The following GPC6 variants were observed in gnomAD, a reference collection of about 807,000 sequenced individuals.
The protein encoded by GPC6 is glypican 6.
In GPC6, 14 loss-of-function variants were observed where a neutral mutation model predicts 55.2. The observed-to-expected ratio is 0.25, with a 90% CI of 0.17 to 0.40. The LOEUF is 0.40. Among genes scored for constraint, GPC6 ranks in the 10% least tolerant of loss-of-function variants. GPC6 has a pLI of 1.00. For synonymous variants in GPC6, 278 were observed against 259.6 expected, an observed-to-expected ratio of 1.07 and a Z score of -0.68; for missense variants, 641 against 708.5, an observed-to-expected ratio of 0.90 and a Z score of 1.08.
intron 3 of GPC6, among the ~76,000 whole-genome samples, chr13:93,937,870 G>A (rs1007189057): frequency 2.6e-5 from 4 of 152,138 alleles, no homozygotes; most frequent in East Asian, 1.9e-4. Context: ...TGAGCACCAC[G>A]CCTGGCTATT....
intron 4 of GPC6, among the ~76,000 whole-genome samples, chr13:94,136,474 G>A (rs1357251036): frequency 6.6e-6 from 1 of 152,186 alleles, no homozygotes; most frequent in Non-Finnish European, 1.5e-5. Flanking sequence ...ACTTTGGGAG[G>A]CCGAGGCAGG....
chr13:93,582,861 A>G lies in GPC6; in HGVS notation c.319+37440A>G, dbSNP rs139178044. On this transcript the variant is annotated intron_variant, in intron 2 of 8. Transcript: ENST00000377047. ...GTTAAGCCTTAAGGGTAGCCAATGC[A>G]CTTTCCAGAGAAGGCCCCAAGCTTA... Among the ~76,000 whole-genome samples the G allele has an allele frequency of 2.6e-5, 4 of 152,364 alleles. No homozygotes were observed. The East Asian group carries it at 7.7e-4, about 29-fold the overall frequency.
chr13:93,896,437 T>G (rs1876017034), intron 3 of GPC6, among the ~76,000 whole-genome samples: 1 of 152,052 alleles, frequency 6.6e-6, no homozygotes. Flanking sequence ...TCAGACCATT[T>G]CTGGCTAGTT....
At chr13:93,911,704 C>A (rs1488471649) in intron 3 of GPC6, among the ~76,000 whole-genome samples, 1 of 152,178 alleles carries the variant, frequency 6.6e-6, no homozygotes, top group Non-Finnish European at 1.5e-5. Context: ...ATTGCTTAAC[C>A]ATTATGACTG....
intron 4 of GPC6, among the ~76,000 whole-genome samples, chr13:94,147,320 G>T (rs1371935840): frequency 2.0e-5 from 3 of 151,896 alleles, no homozygotes; most frequent in Non-Finnish European, 4.4e-5. Context: ...ATGCATATAC[G>T]GGTACTCCAA....
At chr13:93,906,772 C>G (rs1876692207) in intron 3 of GPC6, among the ~76,000 whole-genome samples, 1 of 152,096 alleles carries the variant, frequency 6.6e-6, no homozygotes, top group Non-Finnish European at 1.5e-5. Flanking sequence ...CTTAATAGCT[C>G]TAAGATACTC....
intron 4 of GPC6, among the ~76,000 whole-genome samples, chr13:94,067,190 TA>T (rs1884547687): frequency 6.6e-6 from 1 of 152,150 alleles, no homozygotes; most frequent in Admixed American, 6.5e-5. Flanking sequence ...CTGAACTCAA[TA>T]TTAGGGTAAA....
At chr13:93,997,736 T>C (rs972121950) in intron 3 of GPC6, among the ~76,000 whole-genome samples, 1 of 151,994 alleles carries the variant, frequency 6.6e-6, no homozygotes, top group African/African-American at 2.4e-5. Context: ...TTAAAAGGAG[T>C]TGTTGTAGAT....
chr13:94,199,992 A>G (rs1889700782), intron 4 of GPC6, among the ~76,000 whole-genome samples: 1 of 152,042 alleles, frequency 6.6e-6, no homozygotes, highest in Admixed American at 6.6e-5. Context: ...CCCTGTCTTT[A>G]CTGAACATAC....
intron 1 of GPC6, among the ~76,000 whole-genome samples, chr13:93,434,675 T>C (rs1200691595): frequency 3.9e-5 from 6 of 152,208 alleles, no homozygotes; most frequent in Non-Finnish European, 8.8e-5. Flanking sequence ...ATTGAGGCTG[T>C]AGATAACACA....
At chr13:93,453,248 C>T (rs1200153993) in intron 1 of GPC6, among the ~76,000 whole-genome samples, 1 of 152,180 alleles carries the variant, frequency 6.6e-6, no homozygotes, top group Non-Finnish European at 1.5e-5. Flanking sequence ...AAAATCCTTC[C>T]TCTTCCCCCA....
chr13:93,893,461 T>G (rs569788747), intron 3 of GPC6, among the ~76,000 whole-genome samples: 12 of 152,176 alleles, frequency 7.9e-5, no homozygotes, highest in African/African-American at 2.4e-4. Flanking sequence ...AATCTATTAA[T>G]GCCTCTTTCA....
At chr13:93,752,565 G>T (rs1884635217) in intron 2 of GPC6, among the ~76,000 whole-genome samples, 1 of 152,114 alleles carries the variant, frequency 6.6e-6, no homozygotes, top group Admixed American at 6.6e-5. Flanking sequence ...AACCACCACA[G>T]AATCTAATTG....
intron 3 of GPC6, among the ~76,000 whole-genome samples, chr13:93,929,515 T>C (rs1041818638): frequency 2.0e-5 from 3 of 152,208 alleles, no homozygotes; most frequent in Non-Finnish European, 4.4e-5. Context: ...ATACCAATTA[T>C]GCTCTGAGTT....
intron 2 of GPC6, among the ~76,000 whole-genome samples, chr13:93,688,637 G>A (rs1882141616): frequency 6.6e-6 from 1 of 151,992 alleles, no homozygotes. Flanking sequence ...GATGAATCTT[G>A]AAAATATTAT....
At chr13:93,837,883 C>A (rs7985454) in intron 3 of GPC6, among the ~76,000 whole-genome samples, 6 of 152,058 alleles carry the variant, frequency 3.9e-5, no homozygotes, top group African/African-American at 1.4e-4. Context: ...AGTAACAGAG[C>A]AGAAGTGCAG....
intron 4 of GPC6, among the ~76,000 whole-genome samples, chr13:94,113,818 C>A (rs9524334): frequency 6.6e-6 from 1 of 151,714 alleles, no homozygotes. Flanking sequence ...GACAGGAGTT[C>A]TTGACCAGCC....
chr13:93,221,211 C>G, the GPC6 span, among the ~76,000 whole-genome samples: 1 of 152,084 alleles, frequency 6.6e-6, no homozygotes, highest in Non-Finnish European at 1.5e-5. Context: ...ATTCTGTGTC[C>G]TTGACTATTG....
intron 4 of GPC6, among the ~76,000 whole-genome samples, chr13:94,208,373 G>C (rs866289320): frequency 1.4e-4 from 22 of 152,236 alleles, no homozygotes; most frequent in African/African-American, 4.6e-4. Context: ...TAGTGTATCA[G>C]TAAGCACTCC....
Sources: allele counts gnomAD v4.1 joint callset (sites outside exome capture counted in the v4.1 genomes callset), GRCh38; gene constraint gnomAD v4.1.1; transcripts MANE v1.5; gene names NCBI Gene and HGNC (gene_info 2026-07-23, HGNC 2026-07-21).